Variants in PPP3CA observed in about 807,000 individuals in gnomAD.
The protein encoded by PPP3CA is protein phosphatase 3 catalytic subunit alpha, also known as CAM-PRP catalytic subunit.
Under a neutral mutation model 66.5 loss-of-function variants are expected in PPP3CA, and 14 were observed. The ratio of observed to expected loss-of-function variants is 0.21; its 90% CI spans 0.14 to 0.33. PPP3CA has a LOEUF of 0.33. PPP3CA is among the 10% of genes least tolerant of loss of function. The pLI is 1.00. For missense variants in PPP3CA, 317 were observed against 639.5 expected, an observed-to-expected ratio of 0.50 and a Z score of 5.44; for synonymous variants, 232 against 226.2, an observed-to-expected ratio of 1.03 and a Z score of -0.23.
In PPP3CA at chr4:101,026,039, T is replaced by G; in HGVS notation, c.1392A>C (p.Gln464His). Reference protein sequence around the residue: ...ADEAIKGFSPQHKITSFEEAK... With the variant: ...ADEAIKGFSPHHKITSFEEAK... The stretch of plus-strand genomic sequence containing the variant: ...CTTCCTCGAAGCTAGTGATCTTATG[T>G]TGTGGTGAAAATCCTTTGATAGCTA... The change falls in exon 14 of 14, where the codon CAA becomes CAC. Residue 464 changes from glutamine (Q) to histidine (H), a missense_variant. Gln to His is a conservative substitution (Grantham distance 24). Coordinates refer to ENST00000394854, the MANE Select transcript of PPP3CA (RefSeq NM_000944.5). 6.2e-7 allele frequency: 1 copy of G among 1,600,058 alleles called. No homozygotes were observed. Among genetic ancestry groups the G allele is most frequent in the Non-Finnish European group, 8.5e-7 (1 of 1,175,340 alleles).
intron 1 of PPP3CA, among the ~76,000 whole-genome samples, chr4:101,282,301 A>G (rs1211858578): frequency 2.6e-5 from 4 of 152,208 alleles, no homozygotes; most frequent in Non-Finnish European, 4.4e-5. Context: ...TTTCTATCCT[A>G]TCTGTGAAAA....
chr4:101,115,903 G>A (rs569843087), intron 2 of PPP3CA, among the ~76,000 whole-genome samples: 2 of 151,964 alleles, frequency 1.3e-5, no homozygotes, highest in South Asian at 4.1e-4. Context: ...CGAAAATTAG[G>A]TTGTCTGGGG....
chr4:101,239,618 C>T (rs1282964417), intron 1 of PPP3CA, among the ~76,000 whole-genome samples: 1 of 151,934 alleles, frequency 6.6e-6, no homozygotes, highest in Non-Finnish European at 1.5e-5. Flanking sequence ...CACAAGTAGA[C>T]AGTAAAAATG....
chr4:101,281,986 A>T (rs962471857), intron 1 of PPP3CA, among the ~76,000 whole-genome samples: 2 of 152,182 alleles, frequency 1.3e-5, no homozygotes, highest in Non-Finnish European at 2.9e-5. Flanking sequence ...ACATTCATGG[A>T]GCTTTCCATA....
chr4:101,027,771 T>C (rs1452856569), intron 13 of PPP3CA, among the ~76,000 whole-genome samples: 1 of 152,078 alleles, frequency 6.6e-6, no homozygotes, highest in East Asian at 1.9e-4. Context: ...GCCAATAGGG[T>C]GGGAGTGTTA....
intron 10 of PPP3CA, among the ~76,000 whole-genome samples, chr4:101,054,190 T>C (rs1255756403): frequency 6.6e-6 from 1 of 151,998 alleles, no homozygotes; most frequent in Non-Finnish European, 1.5e-5. Flanking sequence ...AACATCATTT[T>C]TTTAGATGAG....
chr4:101,219,180 A>G (rs990659079), intron 1 of PPP3CA, among the ~76,000 whole-genome samples: 23 of 152,012 alleles, frequency 1.5e-4, no homozygotes, highest in Non-Finnish European at 5.9e-5. Flanking sequence ...CTTGTGCTTC[A>G]AAGTTTCCTA....
chr4:101,098,290 A>C, intron 5 of PPP3CA, 77 bp downstream of exon 5: 1 of 1,406,630 alleles, frequency 7.1e-7, no homozygotes, highest in Non-Finnish European at 9.5e-7. Context: ...GTCAGTGATA[A>C]AGGCAGGGTA....
chr4:101,064,062 A>G (rs1447301696), intron 8 of PPP3CA, among the ~76,000 whole-genome samples: 1 of 151,956 alleles, frequency 6.6e-6, no homozygotes, highest in Non-Finnish European at 1.5e-5. Context: ...TGCTTTCTTG[A>G]CTTAATAAAA....
At chr4:101,126,800 A>C (rs1225011188) in intron 2 of PPP3CA, among the ~76,000 whole-genome samples, 1 of 152,200 alleles carries the variant, frequency 6.6e-6, no homozygotes, top group East Asian at 1.9e-4. Context: ...AACACCTTAC[A>C]TAAGTAAAAT....
At chr4:101,253,117 A>G (rs567935315) in intron 1 of PPP3CA, among the ~76,000 whole-genome samples, 13 of 152,298 alleles carry the variant, frequency 8.5e-5, no homozygotes, top group African/African-American at 2.9e-4. Flanking sequence ...AGACCAAATA[A>G]AAGACAAAAC....
chr4:101,168,598 T>A (rs1391673067), intron 2 of PPP3CA, among the ~76,000 whole-genome samples: 1 of 152,000 alleles, frequency 6.6e-6, no homozygotes, highest in East Asian at 1.9e-4. Flanking sequence ...GACCACAAAC[T>A]AAGGAAAAAG....
chr4:101,211,535 G>C (rs1223289307), intron 1 of PPP3CA, among the ~76,000 whole-genome samples: 4 of 152,144 alleles, frequency 2.6e-5, no homozygotes, highest in African/African-American at 4.8e-5. Flanking sequence ...CCTTAAAAGA[G>C]ACCAAAATGT....
chr4:101,160,937 C>A (rs1180273831), intron 2 of PPP3CA, among the ~76,000 whole-genome samples: 1 of 152,004 alleles, frequency 6.6e-6, no homozygotes. Flanking sequence ...TCAAGGGTTT[C>A]TTTTTCTTCC....
chr4:101,220,030 CATT>C (rs1458166339), intron 1 of PPP3CA, among the ~76,000 whole-genome samples: 1 of 151,802 alleles, frequency 6.6e-6, no homozygotes, highest in Non-Finnish European at 1.5e-5. Context: ...GCCATGTCAT[CATT>C]ATAATCAGAA....
At chr4:101,342,888 T>C (rs1729861180) in intron 1 of PPP3CA, among the ~76,000 whole-genome samples, 1 of 152,206 alleles carries the variant, frequency 6.6e-6, no homozygotes, top group African/African-American at 2.4e-5. Flanking sequence ...CTAGAAATAC[T>C]AGTGGCTGGA....
At chr4:101,160,287 A>T (rs1009745037) in intron 2 of PPP3CA, among the ~76,000 whole-genome samples, 5 of 152,120 alleles carry the variant, frequency 3.3e-5, no homozygotes, top group African/African-American at 1.2e-4. Flanking sequence ...ACGACCACTG[A>T]TATAAGTCAT....
At chr4:101,271,287 TAAA>T in intron 1 of PPP3CA, among the ~76,000 whole-genome samples, 1 of 152,122 alleles carries the variant, frequency 6.6e-6, no homozygotes, top group East Asian at 1.9e-4. Flanking sequence ...CTTATATAGT[TAAA>T]ATCCTTTCAG....
chr4:101,243,248 T>C (rs1726368823), intron 1 of PPP3CA, among the ~76,000 whole-genome samples: 1 of 152,240 alleles, frequency 6.6e-6, no homozygotes, highest in African/African-American at 2.4e-5. Flanking sequence ...ACACCGTTTG[T>C]GTGCACACAC....
Sources: allele counts gnomAD v4.1 joint callset (sites outside exome capture counted in the v4.1 genomes callset), GRCh38; gene constraint gnomAD v4.1.1; transcripts MANE v1.5; gene names NCBI Gene and HGNC (gene_info 2026-07-23, HGNC 2026-07-21).